PPP2R2D: variants seen among roughly 807,000 people sequenced by gnomAD.
The protein encoded by PPP2R2D is serine/threonine-protein phosphatase 2A 55 kDa regulatory subunit B delta isoform.
In PPP2R2D, 9 loss-of-function variants were observed where a neutral mutation model predicts 31.1. The ratio of observed to expected loss-of-function variants is 0.29; its 90% CI spans 0.17 to 0.51. The LOEUF (loss-of-function observed/expected upper bound fraction) is 0.51. PPP2R2D is among the 20% of genes least tolerant of loss of function. PPP2R2D has a pLI of 0.98. For missense variants in PPP2R2D, 391 were observed against 465.6 expected, an observed-to-expected ratio of 0.84 and a Z score of 1.48; for synonymous variants, 179 against 172.6, an observed-to-expected ratio of 1.04 and a Z score of -0.29.
At chr10:131,951,356 T>C (rs1352799649) in intron 8 of PPP2R2D, among the ~76,000 whole-genome samples, 2 of 152,362 alleles carry the variant, frequency 1.3e-5, no homozygotes, top group East Asian at 3.9e-4. Flanking sequence ...GACAGGTAAG[T>C]TGTTCTCTAT....
downstream of PPP2R2D, among the ~76,000 whole-genome samples, chr10:131,961,876 C>T (rs1564832025): frequency 6.6e-6 from 1 of 152,112 alleles, no homozygotes; most frequent in Non-Finnish European, 1.5e-5. Flanking sequence ...TCTCCCACCC[C>T]ATCTGCTCCC....
At chr10:131,927,219 AG>A (rs1375730370) in intron 2 of PPP2R2D, among the ~76,000 whole-genome samples, 9 of 152,004 alleles carry the variant, frequency 5.9e-5, no homozygotes, top group Admixed American at 5.9e-4. Context: ...GGTGTGAGAC[AG>A]TCATTTTGAG....
chr10:131,929,753 A>T (rs2036181370), intron 2 of PPP2R2D, among the ~76,000 whole-genome samples: 1 of 151,786 alleles, frequency 6.6e-6, no homozygotes, highest in African/African-American at 2.4e-5. Context: ...CATGGTCCTG[A>T]CTTCTAGGGC....
the PPP2R2D span, chr10:131,970,007 C>A: frequency 6.6e-6 from 1 of 152,446 alleles, no homozygotes; most frequent in Admixed American, 6.5e-5. This position sits in a 1 kb window ranked among gnomAD's most constrained non-coding sequence, Gnocchi z 4.1. Context: ...GGCGAAGCCC[C>A]GTCTCTATTA....
Position 131,947,286 on chromosome 10 carries a change from C to T in PPP2R2D, c.821-244C>T, listed in dbSNP as rs1356606956. ...ATTCAGGGTCCGGGTGAGACTTGGG[C>T]GTCTACGCTTCTCATGCCCATCCCT... On this transcript the variant is annotated intron_variant, in intron 7 of 8. Transcript: ENST00000455566. This position sits in a 1 kb window ranked among gnomAD's most constrained non-coding sequence, Gnocchi z 4.3. Among the ~76,000 whole-genome samples the T allele has an allele frequency of 6.6e-6, 1 of 152,170 alleles. No homozygotes were observed. The highest frequency in any genetic ancestry group is 2.4e-5 in the African/African-American group (1 of 41,438).
intron 8 of PPP2R2D, among the ~76,000 whole-genome samples, chr10:131,949,043 G>A (rs2036594515): frequency 6.6e-6 from 1 of 152,204 alleles, no homozygotes; most frequent in South Asian, 2.1e-4. Context: ...CTGCCTCCAC[G>A]AGGGCTGTGT....
At chr10:131,918,899 GT>G in intron 2 of PPP2R2D, among the ~76,000 whole-genome samples, 1 of 150,232 alleles carries the variant, frequency 6.7e-6, no homozygotes, top group African/African-American at 2.5e-5. Context: ...CCTCACATGG[GT>G]GGAATGGCAC....
At chr10:131,901,188 G>A (rs1433324882) in intron 1 of PPP2R2D, 33 bp downstream of exon 1, 1 of 325,036 alleles carries the variant, frequency 3.1e-6, no homozygotes, top group Non-Finnish European at 5.6e-6. Flanking sequence ...CGGGGACCAC[G>A]GGGGCGGGCG....
intron 2 of PPP2R2D, among the ~76,000 whole-genome samples, chr10:131,913,603 A>G (rs1348052809): frequency 2.6e-5 from 4 of 152,152 alleles, no homozygotes; most frequent in Non-Finnish European, 4.4e-5. Flanking sequence ...CTGAAATATC[A>G]TGTGAGGCTT....
At chr10:131,952,307 G>A (rs1589961827) in intron 8 of PPP2R2D, among the ~76,000 whole-genome samples, 1 of 94,184 alleles carries the variant, frequency 1.1e-5, no homozygotes, top group Non-Finnish European at 2.1e-5. Flanking sequence ...AGTGACTTGC[G>A]GGTGTGCGGG....
intron 3 of PPP2R2D, among the ~76,000 whole-genome samples, chr10:131,936,928 G>A (rs1374945328): frequency 2.0e-5 from 3 of 152,250 alleles, no homozygotes; most frequent in South Asian, 2.1e-4. Flanking sequence ...GTGGACTTGA[G>A]TGTGTCTGTG....
At chr10:131,944,177 C>T (rs782657851) in intron 6 of PPP2R2D, 32 bp downstream of exon 6, 79 of 1,565,668 alleles carry the variant, frequency 5.0e-5, no homozygotes, top group Non-Finnish European at 6.8e-5. Context: ...CTGGCGTCTT[C>T]CCGAGGGTGC....
downstream of PPP2R2D, among the ~76,000 whole-genome samples, chr10:131,964,362 C>T (rs541149734): frequency 3.9e-5 from 6 of 152,042 alleles, no homozygotes; most frequent in African/African-American, 7.2e-5. Flanking sequence ...GACAAATAAC[C>T]GTCACCACCA....
rs553600776 is a variant in PPP2R2D, at chr10:131,945,055, G to A, written c.656-240G>A. Among the ~76,000 whole-genome samples, 44 of 152,252 alleles carry A rather than the reference G, an allele frequency of 2.9e-4. No homozygotes were observed. Among genetic ancestry groups the A allele is most frequent in the Admixed American group, 8.5e-4 (13 of 15,296 alleles). ...CATTAATAATAGCAGCAAGATGAAA[G>A]CGGTGTTCGCTTGTCTGTGTCTCCC... On this transcript the variant is annotated intron_variant, in intron 6 of 8. Coordinates refer to ENST00000455566, the MANE Select transcript of PPP2R2D (RefSeq NM_018461.5). The surrounding 1 kb of genome is among the most constrained non-coding windows in gnomAD (Gnocchi z 4.8).
rs367744151 is a variant in PPP2R2D, at chr10:131,947,651, G to C, written c.942G>C (p.Val314=). ...TGATGACCAGAGACTACCTGTCGGT[G>C]AAGGTGTGGGACCTCAACATGGAGA... ...RYMMTRDYLS[V]KVWDLNMESR... Residue 314 remains valine (V), a synonymous_variant, in exon 8 of 9, where the codon GTG becomes GTC. Coordinates refer to ENST00000455566, the MANE Select transcript of PPP2R2D (RefSeq NM_018461.5). The surrounding 1 kb of genome is among the most constrained non-coding windows in gnomAD (Gnocchi z 4.3). 6.2e-7 allele frequency: 1 copy of C among 1,614,114 alleles called. No individual in the cohort carries two copies. Among genetic ancestry groups the C allele is most frequent in the Non-Finnish European group, 8.5e-7 (1 of 1,180,042 alleles).
At chr10:131,937,122 AGTGAGTGAGCACCAGATT>A (rs1254341678) in intron 3 of PPP2R2D, among the ~76,000 whole-genome samples, 3 of 152,194 alleles carry the variant, frequency 2.0e-5, no homozygotes, top group Admixed American at 2.0e-4. Flanking sequence ...TCGGAAGGCT[AGTGAGTGAGCACCAGATT>A]GTGGAAGGTG....
chr10:131,940,179 T>A lies in PPP2R2D; in HGVS notation c.347T>A (p.Phe116Tyr), dbSNP rs782810307. 2.6e-6 allele frequency: 2 copies of A among 759,610 alleles called. No homozygotes were observed. The highest frequency in any genetic ancestry group is 4.9e-6 in the Non-Finnish European group (2 of 410,348). 47.1% of individuals were successfully genotyped at this position (759,610 alleles called of 1,614,324 possible). A position where few individuals can be genotyped will look rare whatever the true frequency, so the allele number is the denominator to read the frequency against. Residue 116 changes from phenylalanine (F) to tyrosine (Y), a missense_variant, in exon 4 of 9, where the codon TTT becomes TAT. This residue lies in a region of PPP2R2D where 105 missense variants were observed against 98.5 expected (regional missense o/e 1.07). Coordinates refer to ENST00000455566, the MANE Select transcript of PPP2R2D (RefSeq NM_018461.5). ...TTACCACAACAGAATGCTGCTCATT[T>A]TCTACTGTCTACAAATGGTAAGAAT... is the stretch of plus-strand genomic sequence containing the variant. The part of the protein sequence containing the change: ...RWLPQQNAAH[F>Y]LLSTNDKTIK...
Position 131,945,562 on chromosome 10 carries a change from C to A in PPP2R2D, c.820+103C>A. 7.3e-7 allele frequency: 1 copy of A among 1,376,354 alleles called. No individual in the cohort carries two copies. The highest frequency in any genetic ancestry group is 9.8e-7 in the Non-Finnish European group (1 of 1,020,872). 85.3% of individuals were successfully genotyped at this position (1,376,354 alleles called of 1,614,324 possible). ...GCAAGCTCCGCCTCCCGGGTTCCAG[C>A]AAGTCTTCTGCCTCGGCCTCCCGAG... On this transcript the variant is annotated intron_variant, in intron 7 of 8. Transcript: ENST00000455566. This position sits in a 1 kb window ranked among gnomAD's most constrained non-coding sequence, Gnocchi z 4.8.
At chr10:131,939,669 A>G (rs2036406273) in intron 3 of PPP2R2D, 1 of 155,730 alleles carries the variant, frequency 6.4e-6, no homozygotes, top group Non-Finnish European at 1.4e-5. Context: ...AAAACACAGC[A>G]GGCTACATTC....
Sources: gnomAD v4.1 joint callset for allele counts (sites outside exome capture counted in the v4.1 genomes callset) on GRCh38, gnomAD v4.1.1 for gene constraint, gnomAD v4.1.1 regional missense constraint, Gnocchi (gnomAD v3.1) non-coding constraint, MANE v1.5 for transcripts, NCBI Gene and HGNC (gene_info 2026-07-23, HGNC 2026-07-21) for gene names.